Variants in STEAP1B observed in about 807,000 individuals in gnomAD.
The protein encoded by STEAP1B is STEAP family protein MGC87042.
Under a neutral mutation model 27.9 loss-of-function variants are expected in STEAP1B, and 13 were observed. The ratio of observed to expected loss-of-function variants is 0.47; its 90% CI spans 0.30 to 0.74. STEAP1B has a LOEUF of 0.74. STEAP1B is among the 30% of genes least tolerant of loss of function. STEAP1B has a pLI of 0.06. For synonymous variants in STEAP1B, 86 were observed against 107.1 expected, an observed-to-expected ratio of 0.80 and a Z score of 1.22; for missense variants, 250 against 298.7, an observed-to-expected ratio of 0.84 and a Z score of 1.20.
chr7:22,483,406 CA>C (rs1423150916), intron 4 of STEAP1B, among the ~76,000 whole-genome samples: 1 of 152,192 alleles, frequency 6.6e-6, no homozygotes, highest in Non-Finnish European at 1.5e-5. Flanking sequence ...GGGCATGACT[CA>C]AGGGGCACTG....
chr7:22,457,536 T>A (rs902625625), intron 4 of STEAP1B, among the ~76,000 whole-genome samples: 7 of 152,206 alleles, frequency 4.6e-5, no homozygotes, highest in Non-Finnish European at 1.0e-4. Flanking sequence ...AGGAAATTTG[T>A]TCCTGAGGTA....
At chr7:22,461,450 A>AG (rs1163019055) in intron 4 of STEAP1B, among the ~76,000 whole-genome samples, 6 of 152,116 alleles carry the variant, frequency 3.9e-5, no homozygotes, top group South Asian at 4.1e-4. Context: ...TTTAGTAGAG[A>AG]GGGGGTTTCA....
chr7:22,431,006 T>C (rs553986021), intron 4 of STEAP1B, among the ~76,000 whole-genome samples: 6 of 152,256 alleles, frequency 3.9e-5, no homozygotes, highest in African/African-American at 1.4e-4. Context: ...GGTCTCATCC[T>C]ATGGTTCTCT....
At chr7:22,452,814 T>C (rs116964638) in intron 4 of STEAP1B, among the ~76,000 whole-genome samples, 2,363 of 152,272 alleles carry the variant, frequency 0.016, 29 homozygotes, top group South Asian at 0.068. Context: ...GAGCCCGTTT[T>C]CTCACGTGTT....
chr7:22,491,959 T>C (rs570561881), intron 4 of STEAP1B, among the ~76,000 whole-genome samples: 1 of 152,216 alleles, frequency 6.6e-6, no homozygotes, highest in Admixed American at 6.5e-5. Flanking sequence ...ATATATGTAG[T>C]ATTTCTGTTC....
At chr7:22,445,090 G>A (rs181871075) in intron 4 of STEAP1B, among the ~76,000 whole-genome samples, 41 of 152,350 alleles carry the variant, frequency 2.7e-4, no homozygotes, top group Non-Finnish European at 5.0e-4. Flanking sequence ...TTTGGACAAT[G>A]ATGCCGGTTT....
In STEAP1B at chr7:22,495,843, C is replaced by T. The variant is rs1001198469; in HGVS notation, c.-31-957G>A. ...TAACATTTTGGTCAACGACTGACTG[C>T]ATATGTAACAGTGGTCCCATAAGAG... On this transcript the variant is annotated intron_variant, in intron 1 of 4. Transcript: ENST00000678116. Among the ~76,000 whole-genome samples the T allele has an allele frequency of 2.6e-5, 4 of 152,276 alleles. No individual in the cohort carries two copies. In the East Asian group the frequency reaches 5.8e-4, roughly 22 times the overall value.
At chr7:22,460,189 G>A (rs1420203382) in intron 4 of STEAP1B, among the ~76,000 whole-genome samples, 1 of 151,834 alleles carries the variant, frequency 6.6e-6, no homozygotes, top group Non-Finnish European at 1.5e-5. Context: ...GGTGGCGCGT[G>A]CCCATAGTCC....
chr7:22,450,680 TGAA>T (rs1350370883), intron 4 of STEAP1B, among the ~76,000 whole-genome samples: 2 of 152,042 alleles, frequency 1.3e-5, no homozygotes, highest in Non-Finnish European at 2.9e-5. Context: ...TCTATTTCTG[TGAA>T]GAATGTCATT....
chr7:22,483,134 C>T (rs764801137), intron 4 of STEAP1B, among the ~76,000 whole-genome samples: 1 of 152,052 alleles, frequency 6.6e-6, no homozygotes, highest in African/African-American at 2.4e-5. Flanking sequence ...TTTTGGCCCA[C>T]GTCACCTTCT....
chr7:22,463,159 C>T (rs1290602686), intron 4 of STEAP1B, among the ~76,000 whole-genome samples: 1 of 151,824 alleles, frequency 6.6e-6, no homozygotes, highest in Non-Finnish European at 1.5e-5. Context: ...TATACACCAA[C>T]AACAGACAAA....
At chr7:22,426,564 T>C (rs533646383) in intron 4 of STEAP1B, among the ~76,000 whole-genome samples, 1 of 152,304 alleles carries the variant, frequency 6.6e-6, no homozygotes, top group African/African-American at 2.4e-5. Context: ...AGGGAAAAGG[T>C]AAATAACAGC....
chr7:22,442,256 C>A (rs753398636), intron 4 of STEAP1B, among the ~76,000 whole-genome samples: 8 of 152,224 alleles, frequency 5.3e-5, no homozygotes, highest in Non-Finnish European at 8.8e-5. Flanking sequence ...TGAGTTGGAA[C>A]CAGCAGTTTT....
intron 4 of STEAP1B, among the ~76,000 whole-genome samples, chr7:22,479,600 C>T (rs1786032095): frequency 1.3e-5 from 2 of 151,952 alleles, no homozygotes; most frequent in Admixed American, 1.3e-4. Context: ...TAACTGTAAG[C>T]CTCCTGAGGC....
chr7:22,459,272 T>C (rs1182125188), intron 4 of STEAP1B, among the ~76,000 whole-genome samples: 1 of 152,250 alleles, frequency 6.6e-6, no homozygotes, highest in Non-Finnish European at 1.5e-5. Context: ...CTGTTGCCCA[T>C]TTACCTTATA....
chr7:22,419,912 T>C, intron 4 of STEAP1B, 76 bp from the exon 5 acceptor site: 1 of 1,460,754 alleles, frequency 6.8e-7, no homozygotes, highest in South Asian at 1.4e-5. Flanking sequence ...GTCCATTTTA[T>C]TATGGAAAAC....
chr7:22,431,289 C>G (rs1785184076), intron 4 of STEAP1B, among the ~76,000 whole-genome samples: 1 of 152,120 alleles, frequency 6.6e-6, no homozygotes, highest in East Asian at 1.9e-4. Context: ...TGCAAAATGG[C>G]TGGAAGCAGC....
intron 4 of STEAP1B, among the ~76,000 whole-genome samples, chr7:22,428,363 T>A (rs111849636): frequency 0.018 from 2,804 of 152,290 alleles, 41 homozygotes; most frequent in South Asian, 0.064. Context: ...ACTGTTCTCA[T>A]TACCTTAAAA....
At chr7:22,469,620 C>A (rs952575681) in intron 4 of STEAP1B, among the ~76,000 whole-genome samples, 8 of 152,120 alleles carry the variant, frequency 5.3e-5, no homozygotes, top group African/African-American at 1.9e-4. Flanking sequence ...CACTTACCAC[C>A]GTGATACAGC....
Sources: allele counts gnomAD v4.1 joint callset (sites outside exome capture counted in the v4.1 genomes callset), GRCh38; gene constraint gnomAD v4.1.1; transcripts MANE v1.5; gene names NCBI Gene and HGNC (gene_info 2026-07-23, HGNC 2026-07-21).